The following ZSWIM4 variants were observed in gnomAD, a reference collection of about 807,000 sequenced individuals.
ZSWIM4 encodes the protein zinc finger SWIM-type containing 4, also known as zinc finger SWIM domain-containing protein 4.
Under a neutral mutation model 102.5 loss-of-function variants are expected in ZSWIM4, and 62 were observed. The observed-to-expected ratio is 0.60, with a 90% confidence interval of 0.49 to 0.75. The LOEUF is 0.75. ZSWIM4 is among the 30% of genes least tolerant of loss of function. The pLI, the probability that ZSWIM4 is intolerant of heterozygous loss-of-function variation, is 0.00. For missense variants in ZSWIM4, 1,280 were observed against 1,529.6 expected (o/e 0.84, Z 2.72); for synonymous variants, 652 against 674.5 (o/e 0.97, Z 0.52).
chr19:13,806,958 G>T (rs1439730637), intron 3 of ZSWIM4, among the ~76,000 whole-genome samples: 1 of 151,966 alleles, frequency 6.6e-6, no homozygotes, highest in East Asian at 1.9e-4. Flanking sequence ...GTTTTGAGAG[G>T]TACATATGAA....
At chr19:13,829,781 T>C (rs573971741) in intron 13 of ZSWIM4, among the ~76,000 whole-genome samples, 16 of 150,954 alleles carry the variant, frequency 1.1e-4, no homozygotes, top group African/African-American at 2.7e-4. Context: ...GCCGAGATGG[T>C]GCCACTGCCC....
At chr19:13,805,377 C>T (rs1367983522) in intron 3 of ZSWIM4, among the ~76,000 whole-genome samples, 5 of 151,912 alleles carry the variant, frequency 3.3e-5, no homozygotes, top group South Asian at 2.1e-4. Context: ...GGGCAGAGGG[C>T]GAGGGCAGGA....
chr19:13,811,080 A>C (rs1031905890), intron 5 of ZSWIM4, among the ~76,000 whole-genome samples: 2 of 144,600 alleles, frequency 1.4e-5, no homozygotes, highest in Non-Finnish European at 3.0e-5. Context: ...CGCCCGGCTA[A>C]TTTTTTGTAT....
At chr19:13,803,058 ACTCCAGACCTC>A (rs1196346162) in intron 2 of ZSWIM4, among the ~76,000 whole-genome samples, 1 of 152,128 alleles carries the variant, frequency 6.6e-6, no homozygotes, top group Admixed American at 6.6e-5. Flanking sequence ...GAGGCCTGGG[ACTCCAGACCTC>A]TGGCTGCAGC....
intron 1 of ZSWIM4, among the ~76,000 whole-genome samples, chr19:13,797,314 C>T (rs1974637875): frequency 6.6e-6 from 1 of 152,184 alleles, no homozygotes; most frequent in South Asian, 2.1e-4. Flanking sequence ...TGCCCAGAGC[C>T]CACAGCGGTG....
Position 13,817,254 on chromosome 19 carries a change from G to A in ZSWIM4, c.1570G>A (p.Glu524Lys). Residue 524 changes from glutamate to lysine, a missense_variant, in exon 8 of 14, where the codon GAA (glutamate) becomes AAA (lysine). Coordinates refer to ENST00000590508, the MANE Select transcript of ZSWIM4 (RefSeq NM_001367834.3). ...QKGSTCITNT[E>K]GWVGHPLDPI... ...GGGCTCCACCTGCATCACCAACACC[G>A]AAGGATGGGTGGGGCACCCCCTGGA... The A allele has an allele frequency of 3.1e-6, 5 of 1,613,934 alleles. No homozygotes were observed. The highest frequency in any genetic ancestry group is 2.7e-5 in the African/African-American group (2 of 75,052).
At chr19:13,802,903 G>A (rs1974812370) in intron 2 of ZSWIM4, among the ~76,000 whole-genome samples, 1 of 152,204 alleles carries the variant, frequency 6.6e-6, no homozygotes, top group Admixed American at 6.5e-5. Context: ...GATCAGCTGT[G>A]AAGGGTGGGC....
chr19:13,814,728 C>A lies in ZSWIM4; in HGVS notation c.1394C>A (p.Pro465His), dbSNP rs1568336631. The A allele has an allele frequency of 7.8e-7, 1 of 1,288,786 alleles. No homozygotes were observed. The allele number at this position is 1,288,786 out of a possible 1,614,324, so 79.8% of individuals were successfully genotyped here. Residue 465 changes from proline to histidine, a missense_variant, in exon 7 of 14, where the codon CCC becomes CAC. Pro to His is a moderately conservative substitution (Grantham distance 77). Coordinates refer to ENST00000590508, the MANE Select transcript of ZSWIM4 (RefSeq NM_001367834.3). ...GRPLWLGEPF[P>H]TACARVDTLR... ...CCACTGTGGCTGGGAGAACCTTTCCCCACTGCCTGTGCCCGTGTGGACACC... is the reference window on the plus strand; with the variant it reads ...CCACTGTGGCTGGGAGAACCTTTCCACACTGCCTGTGCCCGTGTGGACACC...
intron 5 of ZSWIM4, among the ~76,000 whole-genome samples, chr19:13,811,594 C>A (rs1203368346): frequency 6.6e-6 from 1 of 152,120 alleles, no homozygotes; most frequent in East Asian, 1.9e-4. Context: ...ACTTGGAAGG[C>A]TGAGTGAGGC....
chr19:13,802,139 C>A (rs1005947252), intron 2 of ZSWIM4, among the ~76,000 whole-genome samples: 6 of 139,932 alleles, frequency 4.3e-5, no homozygotes, highest in Admixed American at 3.5e-4. Flanking sequence ...CCACACCCAG[C>A]TAATTTTTTC....
At chr19:13,801,877 G>T (rs963169076) in intron 2 of ZSWIM4, among the ~76,000 whole-genome samples, 1 of 151,028 alleles carries the variant, frequency 6.6e-6, no homozygotes, top group Non-Finnish European at 1.5e-5. Flanking sequence ...CACCATGTTG[G>T]CCAGGCTGGT....
chr19:13,817,568 G>A, intron 8 of ZSWIM4, 154 bp from the exon 9 acceptor site: 3 of 1,082,134 alleles, frequency 2.8e-6, no homozygotes, highest in South Asian at 3.3e-5. Flanking sequence ...AGAAGGTGGG[G>A]CTCCCGCGCT....
intron 2 of ZSWIM4, among the ~76,000 whole-genome samples, chr19:13,801,402 C>T (rs1974768083): frequency 6.6e-6 from 1 of 152,162 alleles, no homozygotes; most frequent in African/African-American, 2.4e-5. Flanking sequence ...AGCTGTCAGC[C>T]AGCAGTGAGA....
chr19:13,810,224 C>T (rs1425523778), intron 5 of ZSWIM4, among the ~76,000 whole-genome samples: 2 of 152,078 alleles, frequency 1.3e-5, no homozygotes, highest in Non-Finnish European at 2.9e-5. Context: ...GTCTTGATCT[C>T]CTGACCTTGT....
chr19:13,826,660 G>T (rs1431035997), intron 12 of ZSWIM4, among the ~76,000 whole-genome samples: 2 of 152,180 alleles, frequency 1.3e-5, no homozygotes, highest in Non-Finnish European at 2.9e-5. Context: ...AGCTACTCGG[G>T]AGGTTGAGGC....
rs751893324 is a variant in ZSWIM4, at chr19:13,819,423, G to A, written c.1991G>A (p.Arg664His). ...RESVPMHTCA[R>H]YLFTALLPHD... ...AGCGTGCCCATGCACACCTGTGCCC[G>A]CTACCTGTTCACCGCACTGCTGCCT... The change falls in exon 10 of 14, where the codon CGC becomes CAC. Residue 664 changes from arginine (R) to histidine (H), a missense_variant. By Grantham distance (29) the Arg-to-His change is conservative. Coordinates refer to ENST00000590508, the MANE Select transcript of ZSWIM4 (RefSeq NM_001367834.3). 43 of 1,611,300 alleles carry A rather than the reference G, an allele frequency of 2.7e-5. No individual in the cohort carries two copies. The Middle Eastern group carries it at 4.9e-4, about 19-fold the overall frequency.
chr19:13,823,598 A>G (rs1975528811), intron 11 of ZSWIM4, 98 bp downstream of exon 11: 2 of 1,395,142 alleles, frequency 1.4e-6, no homozygotes, highest in East Asian at 2.5e-5. Flanking sequence ...TCCTTTCACA[A>G]ACTTCCCCCT....
rs201290872 is a variant in ZSWIM4, at chr19:13,817,263, G to A, written c.1579G>A (p.Val527Met). ...STCITNTEGW[V>M]GHPLDPIGCL... Reference sequence around the variant, plus strand: ...CTGCATCACCAACACCGAAGGATGGGTGGGGCACCCCCTGGACCCCATTGG... The same window carrying A: ...CTGCATCACCAACACCGAAGGATGGATGGGGCACCCCCTGGACCCCATTGG... Residue 527 changes from valine to methionine, a missense_variant, in exon 8 of 14, where the codon GTG becomes ATG. Val to Met is a conservative substitution (Grantham distance 21). Transcript: ENST00000590508. 3.1e-6 allele frequency: 5 copies of A among 1,613,998 alleles called. No homozygotes were observed. In the African/African-American group the frequency reaches 4.0e-5, roughly 13 times the overall value.
intron 1 of ZSWIM4, among the ~76,000 whole-genome samples, chr19:13,796,024 C>G (rs1378657909): frequency 6.6e-6 from 1 of 151,050 alleles, no homozygotes; most frequent in Non-Finnish European, 1.5e-5. Context: ...TCTGCCATCT[C>G]TGCCCCTCAG....
Sources: gnomAD v4.1 joint callset for allele counts (sites outside exome capture counted in the v4.1 genomes callset) on GRCh38, gnomAD v4.1.1 for gene constraint, MANE v1.5 for transcripts, NCBI Gene and HGNC (gene_info 2026-07-23, HGNC 2026-07-21) for gene names.